The following UBN2 variants were observed in gnomAD, a reference collection of about 807,000 sequenced individuals.
The protein encoded by UBN2 is ubinuclein-2.
In UBN2, 35 loss-of-function variants were observed where a neutral mutation model predicts 120.2. The ratio of observed to expected loss-of-function variants is 0.29; its 90% CI spans 0.22 to 0.39. The LOEUF (loss-of-function observed/expected upper bound fraction) is 0.39, where lower values mean the gene tolerates loss of function less well. Ranked by LOEUF, UBN2 falls within the 10% of genes least tolerant of loss-of-function variation. The pLI, the probability that UBN2 is intolerant of heterozygous loss-of-function variation, is 1.00. For synonymous variants in UBN2, 661 were observed against 648.7 expected (o/e 1.02, Z -0.29); for missense variants, 1,693 against 1,663.2 (o/e 1.02, Z -0.31).
intron 8 of UBN2, among the ~76,000 whole-genome samples, 173 bp from the exon 9 acceptor site, chr7:139,272,149 T>TTTTTTTTTTTTTTTTTTTTTTTGAGA (rs1797295890): frequency 6.6e-6 from 1 of 152,244 alleles, no homozygotes; most frequent in African/African-American, 2.4e-5. Flanking sequence ...TAATTTTGTA[T>TTTTTTTTTTTTTTTTTTTTTTTGAGA]CCAGTGTGTC....
chr7:139,243,561 A>G (rs1224921531), intron 2 of UBN2, among the ~76,000 whole-genome samples: 1 of 152,216 alleles, frequency 6.6e-6, no homozygotes, highest in Non-Finnish European at 1.5e-5. Context: ...CTTTCTGGCA[A>G]CTGCCAAAAG....
chr7:139,264,922 TA>T (rs1235812233), intron 6 of UBN2, among the ~76,000 whole-genome samples: 1 of 152,136 alleles, frequency 6.6e-6, no homozygotes, highest in African/African-American at 2.4e-5. Context: ...AAGATGTAGA[TA>T]TTTTTGGGGT....
chr7:139,282,537 C>T (rs1352973670), intron 14 of UBN2, among the ~76,000 whole-genome samples: 1 of 152,066 alleles, frequency 6.6e-6, no homozygotes, highest in Non-Finnish European at 1.5e-5. Context: ...TTTCTATGTA[C>T]TGGCTGTAGG....
At chr7:139,264,052 T>A (rs748768067) in intron 6 of UBN2, among the ~76,000 whole-genome samples, 1 of 152,228 alleles carries the variant, frequency 6.6e-6, no homozygotes, top group Non-Finnish European at 1.5e-5. Flanking sequence ...AGTTTGATAC[T>A]TTTTATGACC....
At position 139,284,634 on chromosome 7, in the gene UBN2, T is replaced by C; in HGVS notation, c.3669+60T>C. 5.6e-6 allele frequency: 8 copies of C among 1,436,886 alleles called. No homozygotes were observed. The South Asian group carries it at 6.8e-5, about 12-fold the overall frequency. 89.0% of individuals were successfully genotyped at this position (1,436,886 alleles called of 1,614,324 possible). A position where few individuals can be genotyped will look rare whatever the true frequency, so the allele number is the denominator to read the frequency against. On this transcript the variant is annotated intron_variant, in intron 15 of 17. Transcript: ENST00000473989. The stretch of plus-strand genomic sequence containing the variant: ...TAAGATTGTATAATGTCGTCTTTCT[T>C]GTGGGTAACTTTAATAAGCTTTTTA...
intron 5 of UBN2, among the ~76,000 whole-genome samples, 196 bp downstream of exon 5, chr7:139,259,566 C>A (rs1796868525): frequency 6.6e-6 from 1 of 152,086 alleles, no homozygotes; most frequent in Admixed American, 6.5e-5. Context: ...TTAGAGACTC[C>A]TAGTGTTTTA....
At chr7:139,328,207 G>GGA in the UBN2 span, among the ~76,000 whole-genome samples, 1 of 152,216 alleles carries the variant, frequency 6.6e-6, no homozygotes, top group Non-Finnish European at 1.5e-5. Context: ...ACATGGCTGG[G>GGA]GAGGCCTCAG....
chr7:139,309,825 C>T (rs902936026), downstream of UBN2, among the ~76,000 whole-genome samples: 3 of 151,144 alleles, frequency 2.0e-5, no homozygotes, highest in Admixed American at 1.3e-4. Flanking sequence ...GAGCCAAGAT[C>T]GCGCCACTGC....
chr7:139,326,541 G>A, the UBN2 span, among the ~76,000 whole-genome samples: 1 of 151,642 alleles, frequency 6.6e-6, no homozygotes, highest in Non-Finnish European at 1.5e-5. Context: ...AGCTTTGTGA[G>A]TATAGGAACT....
the UBN2 span, among the ~76,000 whole-genome samples, chr7:139,327,063 C>G: frequency 6.6e-6 from 1 of 152,138 alleles, no homozygotes; most frequent in African/African-American, 2.4e-5. Flanking sequence ...GACAGAGTTT[C>G]ACTCTTGTTG....
At chr7:139,243,211 T>C (rs1796370884) in intron 2 of UBN2, among the ~76,000 whole-genome samples, 1 of 152,096 alleles carries the variant, frequency 6.6e-6, no homozygotes, top group African/African-American at 2.4e-5. Flanking sequence ...TAAGGAATAT[T>C]CTTCTGAGTC....
chr7:139,265,218 G>A (rs566007062), intron 6 of UBN2, among the ~76,000 whole-genome samples: 2 of 152,036 alleles, frequency 1.3e-5, no homozygotes, highest in South Asian at 4.2e-4. Flanking sequence ...AATATTGGCC[G>A]GGCGCAGTGG....
Position 139,269,438 on chromosome 7 carries a change from G to T in UBN2, c.1511G>T (p.Gly504Val), listed in dbSNP as rs1226237486. The part of the protein sequence containing the change: ...LQELGPVIRS[G>V]VYSHLEAFVP... ...GAACTAGGCCCTGTCATTCGCAGTG[G>T]TGTCTACTCCCACCTTGAAGCTTTT... is the stretch of plus-strand genomic sequence containing the variant. Residue 504 changes from glycine to valine, a missense_variant, in exon 8 of 18, where the codon GGT (glycine) becomes GTT (valine). Physicochemically the swap from Gly to Val is moderately radical, Grantham distance 109. Transcript: ENST00000473989. 1 of 1,614,124 alleles carries T rather than the reference G, an allele frequency of 6.2e-7. No individual in the cohort carries two copies. Among genetic ancestry groups the T allele is most frequent in the African/African-American group, 1.3e-5 (1 of 75,018 alleles).
chr7:139,316,619 C>CT, the UBN2 span, among the ~76,000 whole-genome samples: 1 of 152,104 alleles, frequency 6.6e-6, no homozygotes, highest in Admixed American at 6.6e-5. Context: ...TGGCAGGGGC[C>CT]TGTAATCTCA....
the UBN2 span, among the ~76,000 whole-genome samples, chr7:139,320,038 T>C: frequency 4.0e-5 from 6 of 150,642 alleles, no homozygotes; most frequent in Admixed American, 4.0e-4. Flanking sequence ...ATCGTGCCAC[T>C]GCACTCCAGC....
intron 6 of UBN2, among the ~76,000 whole-genome samples, chr7:139,263,632 C>T (rs946738712): frequency 3.4e-4 from 52 of 151,620 alleles, no homozygotes; most frequent in African/African-American, 9.9e-4. Context: ...AAATTAGCCC[C>T]GCGTGGTGGC....
chr7:139,312,073 G>A (rs947253293), downstream of UBN2, among the ~76,000 whole-genome samples: 5 of 152,286 alleles, frequency 3.3e-5, no homozygotes, highest in Middle Eastern at 3.4e-3. Flanking sequence ...AAAGTAATGC[G>A]TCAATCATAT....
In UBN2 at chr7:139,251,966, C is replaced by T. The variant is rs181533824; in HGVS notation, c.572C>T (p.Pro191Leu). Residue 191 changes from proline to leucine, a missense_variant, in exon 3 of 18, where the codon CCC (proline) becomes CTC (leucine). This residue lies in a region of UBN2 where 663 missense variants were observed against 591.2 expected (regional missense o/e 1.12). Transcript: ENST00000473989. ...KKFEMKYGGK[P>L]RKHRKDRLQD... ...ATCTGTTCTTTGCAGGGTGGGAAACCCCGTAAACACCGGAAGGATCGGCTA... is the reference window on the plus strand; with the variant it reads ...ATCTGTTCTTTGCAGGGTGGGAAACTCCGTAAACACCGGAAGGATCGGCTA... 1 of 1,613,940 alleles carries T rather than the reference C, an allele frequency of 6.2e-7. No individual in the cohort carries two copies. The highest frequency in any genetic ancestry group is 2.2e-5 in the East Asian group (1 of 44,874).
At chr7:139,238,159 C>G (rs1266519966) in intron 2 of UBN2, among the ~76,000 whole-genome samples, 2 of 152,186 alleles carry the variant, frequency 1.3e-5, no homozygotes, top group African/African-American at 2.4e-5. Flanking sequence ...CCTTACCCCT[C>G]TGATTCCTCT....
Sources: allele counts gnomAD v4.1 joint callset (sites outside exome capture counted in the v4.1 genomes callset), GRCh38; gene constraint gnomAD v4.1.1; regional missense constraint gnomAD v4.1.1; transcripts MANE v1.5; gene names NCBI Gene and HGNC (gene_info 2026-07-23, HGNC 2026-07-21).